LOXL2: variants seen among roughly 807,000 people sequenced by gnomAD.
LOXL2 encodes lysyl oxidase like 2, also known as lysyl oxidase homolog 2.
In LOXL2, 70 loss-of-function variants were observed where a neutral mutation model predicts 93.0. That is an observed-to-expected ratio of 0.75 (90% CI 0.62 to 0.92). LOXL2 has a LOEUF of 0.92. Ranked by LOEUF, LOXL2 falls within the 40% of genes least tolerant of loss-of-function variation. The pLI is 0.00. For synonymous variants in LOXL2, 438 were observed against 413.2 expected, an observed-to-expected ratio of 1.06 and a Z score of -0.73; for missense variants, 973 against 1,054.9, an observed-to-expected ratio of 0.92 and a Z score of 1.08.
At chr8:23,373,117 C>A (rs905491351) in intron 1 of LOXL2, among the ~76,000 whole-genome samples, 1 of 152,170 alleles carries the variant, frequency 6.6e-6, no homozygotes, top group Non-Finnish European at 1.5e-5. Context: ...AATCTATTAT[C>A]ATGCATCTCC....
chr8:23,305,305 T>C (rs926915699), intron 10 of LOXL2, among the ~76,000 whole-genome samples: 1 of 152,232 alleles, frequency 6.6e-6, no homozygotes, highest in Non-Finnish European at 1.5e-5. Flanking sequence ...ACTGCTGGGC[T>C]TCCTGCAGAC....
chr8:23,347,276 G>C (rs1013563228), intron 3 of LOXL2, among the ~76,000 whole-genome samples: 5 of 152,174 alleles, frequency 3.3e-5, no homozygotes, highest in African/African-American at 7.2e-5. Context: ...AGAATCACTT[G>C]AATCTGGGAG....
chr8:23,369,474 G>C (rs1292288577), intron 1 of LOXL2, among the ~76,000 whole-genome samples: 1 of 152,184 alleles, frequency 6.6e-6, no homozygotes, highest in Non-Finnish European at 1.5e-5. Flanking sequence ...CTATGCAGAG[G>C]AGTAGGCTAA....
chr8:23,346,090 A>T (rs1360334091), intron 3 of LOXL2, among the ~76,000 whole-genome samples: 51 of 90,554 alleles, frequency 5.6e-4, no homozygotes, highest in African/African-American at 2.8e-3. Flanking sequence ...AAATAATAAA[A>T]TAAAATAAAA....
At chr8:23,394,412 A>G (rs553865360) in intron 1 of LOXL2, among the ~76,000 whole-genome samples, 1 of 151,760 alleles carries the variant, frequency 6.6e-6, no homozygotes, top group South Asian at 2.1e-4. Context: ...AAAAAAAAAA[A>G]AAAGACAACC....
At position 23,313,895 on chromosome 8, in the gene LOXL2, C is replaced by T. The variant is rs541522283; in HGVS notation, c.1636+3054G>A. Among the ~76,000 whole-genome samples the T allele has an allele frequency of 5.2e-3, 773 of 148,960 alleles. 8 individuals carry two copies. Among genetic ancestry groups the T allele is most frequent in the African/African-American group, 0.018 (735 of 40,476 alleles). On this transcript the variant is annotated intron_variant, in intron 9 of 13. Transcript: ENST00000389131. The stretch of plus-strand genomic sequence containing the variant: ...TGGGAGAAAATTTTGGCAACCTACT[C>T]ATCTGACAAAGGGCTAATATCCAGA...
intron 4 of LOXL2, among the ~76,000 whole-genome samples, chr8:23,337,930 G>A (rs1227555371): frequency 6.6e-6 from 1 of 152,108 alleles, no homozygotes; most frequent in Non-Finnish European, 1.5e-5. Context: ...GTAACTGGAG[G>A]GTATTAGTCC....
At chr8:23,403,222 G>A (rs1009525152) in intron 1 of LOXL2, among the ~76,000 whole-genome samples, 4 of 152,186 alleles carry the variant, frequency 2.6e-5, no homozygotes, top group Non-Finnish European at 4.4e-5. Context: ...AGCTGTAGCC[G>A]TGGGTTCGCT....
chr8:23,316,555 G>A (rs1297713775), intron 9 of LOXL2, among the ~76,000 whole-genome samples: 1 of 152,140 alleles, frequency 6.6e-6, no homozygotes, highest in Admixed American at 6.5e-5. Flanking sequence ...GTGACCTCCA[G>A]GGTCTGAAAA....
intron 4 of LOXL2, among the ~76,000 whole-genome samples, chr8:23,339,395 C>T (rs1384301996): frequency 6.6e-6 from 1 of 152,158 alleles, no homozygotes; most frequent in East Asian, 1.9e-4. Flanking sequence ...AAAGGCAAAG[C>T]CACAGACGAG....
chr8:23,313,506 A>C lies in LOXL2; in HGVS notation c.1636+3443T>G, dbSNP rs571096747. Among the ~76,000 whole-genome samples, 624 of 151,316 alleles carry C rather than the reference A, an allele frequency of 4.1e-3. 7 individuals carry two copies. The highest frequency in any genetic ancestry group is 0.014 in the African/African-American group (586 of 40,790). ...GAAATAACGCTGCATATCTACAACT[A>C]TCTGATCTTTGACAAACCTGAGAAA... On this transcript the variant is annotated intron_variant, in intron 9 of 13. Transcript: ENST00000389131.
At chr8:23,328,304 C>G in intron 6 of LOXL2, 78 bp downstream of exon 6, 1 of 1,499,812 alleles carries the variant, frequency 6.7e-7, no homozygotes, top group Non-Finnish European at 9.2e-7. Context: ...CCCGAGAGCT[C>G]ACGGCCAGCA....
intron 3 of LOXL2, among the ~76,000 whole-genome samples, chr8:23,356,437 A>G (rs986100945): frequency 6.6e-6 from 1 of 152,196 alleles, no homozygotes; most frequent in African/African-American, 2.4e-5. Flanking sequence ...TCAGCATCCC[A>G]TAAATATCCC....
intron 4 of LOXL2, among the ~76,000 whole-genome samples, chr8:23,338,838 G>GCCC (rs1803837102): frequency 6.6e-6 from 1 of 152,156 alleles, no homozygotes; most frequent in South Asian, 2.1e-4. Flanking sequence ...TTCTGAGCTG[G>GCCC]CCCTACCCCC....
At chr8:23,377,697 C>G (rs1204089179) in intron 1 of LOXL2, among the ~76,000 whole-genome samples, 1 of 152,068 alleles carries the variant, frequency 6.6e-6, no homozygotes, top group African/African-American at 2.4e-5. Flanking sequence ...TATGTAATGG[C>G]CTTCTTTATC....
At chr8:23,346,137 T>TAAATAAAAATAAAA in intron 3 of LOXL2, among the ~76,000 whole-genome samples, 1 of 75,710 alleles carries the variant, frequency 1.3e-5, no homozygotes, top group East Asian at 2.7e-4. Flanking sequence ...TAAAATAAAA[T>TAAATAAAAATAAAA]AAAATAAATA....
intron 1 of LOXL2, among the ~76,000 whole-genome samples, chr8:23,378,744 C>T (rs1804629518): frequency 6.6e-6 from 1 of 152,196 alleles, no homozygotes. Flanking sequence ...GCTACTGAAG[C>T]TTGTGCATTC....
chr8:23,306,983 G>A (rs549993327), intron 10 of LOXL2, among the ~76,000 whole-genome samples: 94 of 152,360 alleles, frequency 6.2e-4, no homozygotes, highest in African/African-American at 2.1e-3. Context: ...GCCAATCTTT[G>A]TGTTTCAGCC....
rs759907827 is a variant in LOXL2 at position 23,341,004 on chromosome 8, G to C, written c.731C>G (p.Thr244Ser). The change falls in exon 4 of 14, where the codon ACC (threonine) becomes AGC (serine). Residue 244 changes from threonine to serine, a missense_variant. By Grantham distance (58) the Thr-to-Ser change is moderately conservative. Coordinates refer to ENST00000389131, the MANE Select transcript of LOXL2 (RefSeq NM_002318.3). ...FGFPGERTYN[T>S]KVYKMFASRR... ...GCAGTCCTCTTACTTGTACACTTTGGTATTGTATGTCCTCTCCCCAGGGAA... is the reference window on the plus strand; with the variant it reads ...GCAGTCCTCTTACTTGTACACTTTGCTATTGTATGTCCTCTCCCCAGGGAA... The C allele has an allele frequency of 2.2e-5, 36 of 1,613,908 alleles. No homozygotes were observed. Among genetic ancestry groups the C allele is most frequent in the South Asian group, 3.3e-5 (3 of 91,088 alleles).
Sources: allele counts gnomAD v4.1 joint callset (sites outside exome capture counted in the v4.1 genomes callset), GRCh38; gene constraint gnomAD v4.1.1; transcripts MANE v1.5; gene names NCBI Gene and HGNC (gene_info 2026-07-23, HGNC 2026-07-21).